The following UBE2W variants were observed in gnomAD, a reference collection of about 807,000 sequenced individuals.
The protein encoded by UBE2W is ubiquitin conjugating enzyme E2 W.
A neutral mutation model predicts 27.2 loss-of-function variants in UBE2W; 18 were observed. That is an observed-to-expected ratio of 0.66 (90% CI 0.46 to 0.98). The LOEUF is 0.98. UBE2W is among the 50% of genes least tolerant of loss of function. The pLI, the probability that UBE2W is intolerant of heterozygous loss-of-function variation, is 0.00. For synonymous variants in UBE2W, 53 were observed against 57.2 expected (o/e 0.93, Z 0.33); for missense variants, 90 against 180.2 (o/e 0.50, Z 2.87).
In UBE2W at chr8:73,791,490, G is replaced by A; in HGVS notation, c.*2612C>T. 1.0e-6 allele frequency: 1 copy of A among 985,230 alleles called. No individual in the cohort carries two copies. The highest frequency in any genetic ancestry group is 1.7e-5 in the African/African-American group (1 of 57,334). The allele number at this position is 985,230 out of a possible 1,614,324, so 61.0% of individuals were successfully genotyped here. ...GTGCCCCACGAGGAAATGCAGGGAG[G>A]AGGCAAGTAGCATATTCCTATATAC... On this transcript the variant is annotated 3_prime_UTR_variant, in exon 6 of 6. Transcript: ENST00000602593.
At chr8:73,844,402 G>A (rs1046678644) in intron 1 of UBE2W, among the ~76,000 whole-genome samples, 30 of 152,208 alleles carry the variant, frequency 2.0e-4, no homozygotes, top group African/African-American at 7.0e-4. Flanking sequence ...GCCAGCCTCG[G>A]CCTCCCGAGG....
chr8:73,834,632 G>A (rs951689051), intron 1 of UBE2W, among the ~76,000 whole-genome samples: 5 of 152,088 alleles, frequency 3.3e-5, no homozygotes, highest in Admixed American at 1.3e-4. Context: ...AACAAGGCCA[G>A]GCACAGTGGC....
chr8:73,794,158 GT>G, intron 5 of UBE2W, 43 bp from the exon 6 acceptor site: 1 of 1,600,506 alleles, frequency 6.2e-7, no homozygotes, highest in Non-Finnish European at 8.5e-7. Context: ...AGTCAAGCAT[GT>G]ATAAGTAAAT....
At chr8:73,813,748 T>C (rs569964815) in intron 3 of UBE2W, among the ~76,000 whole-genome samples, 1 of 135,192 alleles carries the variant, frequency 7.4e-6, no homozygotes, top group Non-Finnish European at 1.5e-5. Flanking sequence ...TTTCCACAGA[T>C]GGTTTTTTTT....
rs183648419 is a variant in UBE2W at position 73,866,663 on chromosome 8, C to T, written c.15+12145G>A. 1.3e-3 allele frequency among the ~76,000 whole-genome samples: 202 copies of T among 152,088 alleles called. 3 individuals carry two copies. Among genetic ancestry groups the T allele is most frequent in the African/African-American group, 4.6e-3 (191 of 41,476 alleles). Reference sequence around the variant, plus strand: ...TTAGGCAATGATTTCTTAGATATGACACCAAATAAACAAAGAAAAAAACAT... The same window carrying T: ...TTAGGCAATGATTTCTTAGATATGATACCAAATAAACAAAGAAAAAAACAT... On this transcript the variant is annotated intron_variant, in intron 1 of 5. Coordinates refer to ENST00000602593, the MANE Select transcript of UBE2W (RefSeq NM_018299.6).
At chr8:73,866,745 A>G (rs919982190) in intron 1 of UBE2W, among the ~76,000 whole-genome samples, 5 of 152,138 alleles carry the variant, frequency 3.3e-5, no homozygotes, top group African/African-American at 1.2e-4. Flanking sequence ...AAATGAAAAC[A>G]GCCCACAGAA....
At chr8:73,826,639 A>G (rs573033934) in intron 2 of UBE2W, among the ~76,000 whole-genome samples, 1 of 152,348 alleles carries the variant, frequency 6.6e-6, no homozygotes, top group South Asian at 2.1e-4. Context: ...ATGGTAATAA[A>G]AGATACGACC....
intron 1 of UBE2W, among the ~76,000 whole-genome samples, chr8:73,843,913 C>T (rs912803134): frequency 9.9e-5 from 15 of 152,028 alleles, no homozygotes; most frequent in Admixed American, 2.6e-4. Flanking sequence ...TGCTTGAACC[C>T]GTGAGACGGA....
chr8:73,834,303 T>C (rs1176286883), intron 1 of UBE2W, among the ~76,000 whole-genome samples: 5 of 152,240 alleles, frequency 3.3e-5, no homozygotes, highest in African/African-American at 1.2e-4. Context: ...AAGACAAATT[T>C]ATGCAAATTT....
At chr8:73,809,900 T>C (rs1563581919) in intron 4 of UBE2W, among the ~76,000 whole-genome samples, 1 of 150,248 alleles carries the variant, frequency 6.7e-6, no homozygotes, top group South Asian at 2.1e-4. Context: ...TTTAATTAAG[T>C]GATTTTTTTT....
chr8:73,808,280 G>A (rs1019186678), intron 4 of UBE2W, among the ~76,000 whole-genome samples: 3 of 152,128 alleles, frequency 2.0e-5, no homozygotes, highest in African/African-American at 7.2e-5. Flanking sequence ...CTATTACCCA[G>A]GTTGGAGTGC....
chr8:73,825,548 A>G (rs1314296947), intron 2 of UBE2W, among the ~76,000 whole-genome samples: 1 of 152,234 alleles, frequency 6.6e-6, no homozygotes, highest in East Asian at 1.9e-4. Flanking sequence ...TCACACCTGT[A>G]ATCCCAGAAC....
intron 1 of UBE2W, among the ~76,000 whole-genome samples, chr8:73,854,528 G>A (rs1401083226): frequency 2.0e-5 from 3 of 152,186 alleles, no homozygotes; most frequent in African/African-American, 2.4e-5. Context: ...TAGAAAAGAT[G>A]TACTGCATTG....
intron 2 of UBE2W, among the ~76,000 whole-genome samples, chr8:73,829,829 T>G (rs1810000002): frequency 6.6e-6 from 1 of 152,186 alleles, no homozygotes; most frequent in East Asian, 1.9e-4. Context: ...CCACTTTTCC[T>G]TTTCTTTTTA....
chr8:73,831,956 A>G (rs1056520414), intron 1 of UBE2W: 1 of 151,962 alleles, frequency 6.6e-6, no homozygotes, highest in Non-Finnish European at 1.5e-5. Context: ...ACGAGTTCCC[A>G]AAGACTGGCA....
rs1465624038 is a variant in UBE2W at position 73,786,960 on chromosome 8, A to C, written c.*7142T>G. 1.0e-5 allele frequency: 10 copies of C among 985,470 alleles called. No homozygotes were observed. Among genetic ancestry groups the C allele is most frequent in the Non-Finnish European group, 1.1e-5 (9 of 829,938 alleles). The allele number at this position is 985,470 out of a possible 1,614,324, so 61.0% of individuals were successfully genotyped here. The stretch of plus-strand genomic sequence containing the variant: ...GGCTATCTGCAGGATACAGCCATCT[A>C]TATTAGGATCTTGTCTAATGACATA... On this transcript the variant is annotated 3_prime_UTR_variant, in exon 6 of 6. Transcript: ENST00000602593.
intron 1 of UBE2W, chr8:73,870,400 A>T: frequency 8.4e-7 from 1 of 1,190,014 alleles, no homozygotes; most frequent in Non-Finnish European, 1.2e-6. Flanking sequence ...CAGAAAAAAA[A>T]AAAAGACAAA....
chr8:73,804,561 T>A (rs1172629467), intron 5 of UBE2W, among the ~76,000 whole-genome samples: 7 of 148,636 alleles, frequency 4.7e-5, no homozygotes, highest in Admixed American at 2.7e-4. Context: ...CTCACTTTTT[T>A]TTTTTTAAGG....
chr8:73,839,726 GTT>G (rs149185338), intron 1 of UBE2W, among the ~76,000 whole-genome samples: 12,674 of 122,936 alleles, frequency 0.1, 450 homozygotes, highest in Middle Eastern at 0.18. Flanking sequence ...TTCTTTTTTG[GTT>G]TTTTTTTTTT....
Sources: gnomAD v4.1 joint callset for allele counts (sites outside exome capture counted in the v4.1 genomes callset) on GRCh38, gnomAD v4.1.1 for gene constraint, MANE v1.5 for transcripts, NCBI Gene and HGNC (gene_info 2026-07-23, HGNC 2026-07-21) for gene names.